Variants in SFMBT2 observed in about 807,000 individuals in gnomAD.
SFMBT2 encodes scm-like with four MBT domains protein 2.
Under a neutral mutation model 110.1 loss-of-function variants are expected in SFMBT2, and 38 were observed. The ratio of observed to expected loss-of-function variants is 0.35; its 90% confidence interval spans 0.27 to 0.45. The LOEUF is 0.45. SFMBT2 is among the 20% of genes least tolerant of loss of function. SFMBT2 has a pLI of 1.00. For synonymous variants in SFMBT2, 425 were observed against 425.4 expected (o/e 1.00, Z 0.01); for missense variants, 1,011 against 1,094.9 (o/e 0.92, Z 1.08).
At chr10:7,281,031 AG>A (rs1841937512) in intron 6 of SFMBT2, among the ~76,000 whole-genome samples, 1 of 152,210 alleles carries the variant, frequency 6.6e-6, no homozygotes, top group South Asian at 2.1e-4. Flanking sequence ...ACCTGAGCTC[AG>A]GAGTTCAAGC....
chr10:7,373,378 T>C (rs1845111229), intron 2 of SFMBT2, among the ~76,000 whole-genome samples: 1 of 152,206 alleles, frequency 6.6e-6, no homozygotes, highest in Non-Finnish European at 1.5e-5. Context: ...CTTTTCTTTA[T>C]AAATTATGCA....
chr10:7,400,111 G>A (rs1007483809), intron 1 of SFMBT2, among the ~76,000 whole-genome samples: 3 of 152,160 alleles, frequency 2.0e-5, no homozygotes, highest in African/African-American at 7.2e-5. Context: ...TGGGAAATGG[G>A]CAGGAGAACC....
chr10:7,335,628 T>C (rs1307042093), intron 4 of SFMBT2, among the ~76,000 whole-genome samples: 1 of 122,976 alleles, frequency 8.1e-6, no homozygotes, highest in Admixed American at 8.0e-5. Flanking sequence ...CACAACCATA[T>C]ACATAAATTG....
At chr10:7,237,769 T>C (rs567318467) in intron 9 of SFMBT2, among the ~76,000 whole-genome samples, 5 of 152,322 alleles carry the variant, frequency 3.3e-5, no homozygotes, top group African/African-American at 4.8e-5. Flanking sequence ...GGGACGTATA[T>C]ATGACTTATT....
intron 2 of SFMBT2, among the ~76,000 whole-genome samples, chr10:7,377,457 C>T (rs1845270655): frequency 6.6e-6 from 1 of 152,110 alleles, no homozygotes; most frequent in Non-Finnish European, 1.5e-5. Context: ...CACTTTATTT[C>T]TATTATTATT....
intron 4 of SFMBT2, among the ~76,000 whole-genome samples, chr10:7,294,943 T>C (rs1231349191): frequency 6.6e-6 from 1 of 152,200 alleles, no homozygotes; most frequent in African/African-American, 2.4e-5. Context: ...TCACATCCCC[T>C]GTATACATTT....
intron 4 of SFMBT2, among the ~76,000 whole-genome samples, chr10:7,307,362 TAA>T (rs933053466): frequency 6.6e-6 from 1 of 152,170 alleles, no homozygotes; most frequent in Non-Finnish European, 1.5e-5. Context: ...TATATGGAAG[TAA>T]AGTGTCCCAA....
At chr10:7,400,339 T>G (rs1040307172) in intron 1 of SFMBT2, among the ~76,000 whole-genome samples, 1 of 152,188 alleles carries the variant, frequency 6.6e-6, no homozygotes, top group Non-Finnish European at 1.5e-5. Context: ...AATCCCAAGC[T>G]TCACCGTAAA....
intron 13 of SFMBT2, among the ~76,000 whole-genome samples, chr10:7,201,680 G>C (rs1369646612): frequency 2.0e-5 from 3 of 152,182 alleles, no homozygotes; most frequent in Admixed American, 2.0e-4. Context: ...TAAGAAAGCA[G>C]AATCCCTTGG....
chr10:7,326,659 C>T (rs901610108), intron 4 of SFMBT2, among the ~76,000 whole-genome samples: 6 of 152,304 alleles, frequency 3.9e-5, no homozygotes, highest in African/African-American at 7.2e-5. Flanking sequence ...CACAGACTAT[C>T]GAGTTACCCT....
chr10:7,344,958 C>CAAAAAAA (rs35145669), intron 4 of SFMBT2, among the ~76,000 whole-genome samples: 7 of 53,248 alleles, frequency 1.3e-4, no homozygotes, highest in African/African-American at 3.8e-4. Flanking sequence ...GACTCTGTCT[C>CAAAAAAA]AAAAAAAAAA....
Position 7,284,106 on chromosome 10 carries a change from G to A in SFMBT2, c.570C>T (p.Ser190=), listed in dbSNP as rs542248526. 1 of 1,614,178 alleles carries A rather than the reference G, an allele frequency of 6.2e-7. No homozygotes were observed. The highest frequency in any genetic ancestry group is 1.1e-5 in the South Asian group (1 of 91,086). Residue 190 remains serine, a synonymous_variant, in exon 6 of 21, where the codon TCC becomes TCT. Coordinates refer to ENST00000397167, the MANE Select transcript of SFMBT2 (RefSeq NM_001387889.1). The part of the protein sequence containing the change: ...KGPIDLITVG[S]LIELQDSQNP... ...TCTGGGAATCCTGAAGTTCTATTAA[G>A]GAACCAACTGTAATGAGGTCTATAG...
chr10:7,229,265 C>A (rs1211953100), intron 9 of SFMBT2, among the ~76,000 whole-genome samples: 2 of 152,138 alleles, frequency 1.3e-5, no homozygotes, highest in Admixed American at 6.5e-5. Context: ...TGCAGAGGGA[C>A]TATGGAAATT....
At chr10:7,325,088 C>T (rs939781484) in intron 4 of SFMBT2, among the ~76,000 whole-genome samples, 120 of 151,900 alleles carry the variant, frequency 7.9e-4, no homozygotes, top group African/African-American at 2.9e-3. Flanking sequence ...TTGCCTCAGC[C>T]TCTCGAGTAG....
chr10:7,241,990 T>A (rs1840444025), intron 9 of SFMBT2, among the ~76,000 whole-genome samples: 1 of 152,168 alleles, frequency 6.6e-6, no homozygotes, highest in African/African-American at 2.4e-5. Context: ...CATTTACATA[T>A]CTAGAAAAAG....
Position 7,305,693 on chromosome 10 carries a change from T to C in SFMBT2, c.437-19739A>G, listed in dbSNP as rs552350662. Among the ~76,000 whole-genome samples, 3 of 152,356 alleles carry C rather than the reference T, an allele frequency of 2.0e-5. No individual in the cohort carries two copies. The South Asian group carries it at 6.2e-4, about 32-fold the overall frequency. The stretch of plus-strand genomic sequence containing the variant: ...GCCTTATCAATACTGCACCATTGAC[T>C]TAGCAAAGGTCTACCCTTTCGGGAG... On this transcript the variant is annotated intron_variant, in intron 4 of 20. Transcript: ENST00000397167.
intron 7 of SFMBT2, among the ~76,000 whole-genome samples, chr10:7,261,217 T>C (rs1841189503): frequency 6.6e-6 from 1 of 152,212 alleles, no homozygotes; most frequent in Non-Finnish European, 1.5e-5. Flanking sequence ...TGCAACACTT[T>C]CCAATGAAGA....
At chr10:7,240,726 T>C (rs923731319) in intron 9 of SFMBT2, among the ~76,000 whole-genome samples, 1 of 152,118 alleles carries the variant, frequency 6.6e-6, no homozygotes, top group African/African-American at 2.4e-5. Context: ...ACCACTTCAA[T>C]AGGATTTCTC....
In SFMBT2 at chr10:7,202,241, C is replaced by T. The variant is rs535975453; in HGVS notation, c.1487+239G>A. ...GGTCTGGGACACTCCCCAGGTATGT[C>T]GAAATGGAATAAAAAGTGAGCCATG... On this transcript the variant is annotated intron_variant, in intron 13 of 20. Transcript: ENST00000397167. 7.6e-5 allele frequency: 19 copies of T among 249,122 alleles called. No individual in the cohort carries two copies. In the East Asian group the frequency reaches 1.3e-3, roughly 16 times the overall value. The allele number at this position is 249,122 out of a possible 1,614,324, so 15.4% of individuals were successfully genotyped here. A position where few individuals can be genotyped will look rare whatever the true frequency, so the allele number is the denominator to read the frequency against.
Sources: gnomAD v4.1 joint callset for allele counts (sites outside exome capture counted in the v4.1 genomes callset) on GRCh38, gnomAD v4.1.1 for gene constraint, MANE v1.5 for transcripts, NCBI Gene and HGNC (gene_info 2026-07-23, HGNC 2026-07-21) for gene names.